Variants in PCCB observed in about 807,000 individuals in gnomAD.
PCCB encodes the protein propionyl-CoA carboxylase subunit beta, also known as propionyl-CoA carboxylase beta chain, mitochondrial.
Under a neutral mutation model 60.7 loss-of-function variants are expected in PCCB, and 43 were observed. That is an observed-to-expected ratio of 0.71 (90% CI 0.55 to 0.91). The LOEUF is 0.91. Ranked by LOEUF, PCCB falls within the 40% of genes least tolerant of loss-of-function variation. PCCB has a pLI of 0.00. For synonymous variants in PCCB, 276 were observed against 255.9 expected, an observed-to-expected ratio of 1.08 and a Z score of -0.75; for missense variants, 766 against 702.8, an observed-to-expected ratio of 1.09 and a Z score of -1.02.
intron 9 of PCCB, among the ~76,000 whole-genome samples, chr3:136,312,645 A>G (rs1934714025): frequency 6.6e-6 from 1 of 152,232 alleles, no homozygotes; most frequent in Admixed American, 6.5e-5. Context: ...CTGTGAATCC[A>G]TACAAGCACT....
At chr3:136,288,936 G>A (rs1933548362) in intron 6 of PCCB, among the ~76,000 whole-genome samples, 1 of 152,178 alleles carries the variant, frequency 6.6e-6, no homozygotes, top group Admixed American at 6.5e-5. Context: ...CTGAGTAGCT[G>A]GGACTATAGG....
intron 5 of PCCB, among the ~76,000 whole-genome samples, chr3:136,268,096 A>ATATATATATATATGTGTG (rs1553775750): frequency 3.8e-5 from 4 of 106,554 alleles, no homozygotes; most frequent in Non-Finnish European, 7.1e-5. Flanking sequence ...AGATATATAT[A>ATATATATATATATGTGTG]TATATATATA....
chr3:136,310,069 A>C (rs1934601827), intron 9 of PCCB, among the ~76,000 whole-genome samples: 1 of 152,070 alleles, frequency 6.6e-6, no homozygotes, highest in Non-Finnish European at 1.5e-5. Context: ...CTGTCTCTAC[A>C]AAAAATAAAT....
At chr3:136,315,707 A>G (rs1039717569) in intron 9 of PCCB, among the ~76,000 whole-genome samples, 3 of 151,658 alleles carry the variant, frequency 2.0e-5, no homozygotes, top group Admixed American at 1.3e-4. Context: ...ATATACCTGT[A>G]GTCCTAGCTA....
rs147690346 is a variant in PCCB at position 136,299,862 on chromosome 3, A to G, written c.885-1168A>G. ...TGTGTATGTATATGCATGCATATGT[A>G]TGTATATGCATGCATGTGTATGTAC... On this transcript the variant is annotated intron_variant, in intron 8 of 14. Transcript: ENST00000251654. 2.7e-3 allele frequency among the ~76,000 whole-genome samples: 409 copies of G among 151,516 alleles called. 3 individuals are homozygous for G. The highest frequency in any genetic ancestry group is 2.7e-3 in the Non-Finnish European group (181 of 67,870).
chr3:136,250,643 C>T, intron 1 of PCCB, 85 bp downstream of exon 1: 1 of 1,351,306 alleles, frequency 7.4e-7, no homozygotes, highest in Admixed American at 2.3e-5. Flanking sequence ...TCCGAGGCCT[C>T]CCTGCCAATC....
intron 9 of PCCB, among the ~76,000 whole-genome samples, chr3:136,309,262 C>CAA (rs1202774808): frequency 6.4e-4 from 30 of 46,962 alleles, no homozygotes; most frequent in African/African-American, 1.8e-3. Flanking sequence ...GACTCCATCT[C>CAA]AAAAAAAAAA....
intron 5 of PCCB, among the ~76,000 whole-genome samples, chr3:136,277,112 G>T (rs1431546926): frequency 6.6e-6 from 1 of 152,206 alleles, no homozygotes; most frequent in Non-Finnish European, 1.5e-5. Flanking sequence ...GCTGATGGGA[G>T]TGTCAGGTGA....
At chr3:136,306,787 T>C (rs569010073) in intron 9 of PCCB, among the ~76,000 whole-genome samples, 5 of 121,694 alleles carry the variant, frequency 4.1e-5, no homozygotes, top group African/African-American at 1.2e-4. Context: ...ATAATTGGAG[T>C]GTCTGAAGAA....
chr3:136,327,202 C>A lies in PCCB; in HGVS notation c.1246C>A (p.Leu416Ile). ...CATCATCCGGCATGGTGCCAAGCTT[C>A]TCTACGCATTTGCTGAGGCAACTGT... The part of the protein sequence containing the change: ...GGIIRHGAKL[L>I]YAFAEATVPK... Residue 416 changes from leucine (L) to isoleucine (I), a missense_variant, in exon 12 of 15, where the codon CTC becomes ATC. Leu to Ile is a conservative substitution (Grantham distance 5). Transcript: ENST00000251654. 1 of 1,614,186 alleles carries A rather than the reference C, an allele frequency of 6.2e-7. No individual in the cohort carries two copies.
intron 9 of PCCB, among the ~76,000 whole-genome samples, chr3:136,315,536 A>G (rs1489677865): frequency 1.3e-5 from 2 of 152,046 alleles, no homozygotes; most frequent in Non-Finnish European, 2.9e-5. Context: ...CAAACAAACA[A>G]AAGAAAATTG....
chr3:136,313,234 A>ACC (rs1934739219), intron 9 of PCCB, among the ~76,000 whole-genome samples: 1 of 152,220 alleles, frequency 6.6e-6, no homozygotes, highest in African/African-American at 2.4e-5. Context: ...TACACTTCCC[A>ACC]CCATACAAAA....
rs12492830 is a variant in PCCB at position 136,323,899 on chromosome 3, T to C, written c.1091-2904T>C. 9.6e-3 allele frequency among the ~76,000 whole-genome samples: 1,466 copies of C among 152,126 alleles called. 86 individuals are homozygous for C. The highest frequency in any genetic ancestry group is 0.078 in the Admixed American group (1,193 of 15,260). On this transcript the variant is annotated intron_variant, in intron 10 of 14. Coordinates refer to ENST00000251654, the MANE Select transcript of PCCB (RefSeq NM_000532.5). ...TTACTTAGGGATAGTTTCTTCATTT[T>C]ATACCTTGTGATTTTTTTAATTGAA...
chr3:136,260,636 T>G, intron 4 of PCCB, 101 bp downstream of exon 4: 2 of 1,012,536 alleles, frequency 2.0e-6, no homozygotes, highest in Non-Finnish European at 3.1e-6. Context: ...GTACTTGGGG[T>G]AGGGCAGAGG....
chr3:136,310,140 G>T (rs1439402742), intron 9 of PCCB, among the ~76,000 whole-genome samples: 1 of 151,988 alleles, frequency 6.6e-6, no homozygotes, highest in African/African-American at 2.4e-5. Context: ...GAGGTGGGCG[G>T]ATCACCTGAG....
intron 5 of PCCB, among the ~76,000 whole-genome samples, chr3:136,266,438 T>C (rs904114410): frequency 7.2e-5 from 11 of 152,172 alleles, no homozygotes; most frequent in African/African-American, 2.7e-4. Context: ...CAGTCTTTTT[T>C]TGAGACAGGG....
intron 10 of PCCB, among the ~76,000 whole-genome samples, chr3:136,322,631 C>T (rs1935147894): frequency 6.6e-6 from 1 of 152,148 alleles, no homozygotes; most frequent in South Asian, 2.1e-4. Context: ...AAGTTAGAAA[C>T]CAAAATACTC....
rs376236317 is a variant in PCCB at position 136,300,469 on chromosome 3, C to A, written c.885-561C>A. Among the ~76,000 whole-genome samples, 67 of 152,314 alleles carry A rather than the reference C, an allele frequency of 4.4e-4. 2 individuals carry two copies. The South Asian group carries it at 0.012, about 27-fold the overall frequency. On this transcript the variant is annotated intron_variant, in intron 8 of 14. Transcript: ENST00000251654. ...CTGGCTTAGTTTTTCTGCTGAGACA[C>A]TTGGATGCAGGAGGAAGGAGAGAGT...
At chr3:136,262,861 C>T (rs949024814) in intron 5 of PCCB, among the ~76,000 whole-genome samples, 2 of 152,062 alleles carry the variant, frequency 1.3e-5, no homozygotes, top group African/African-American at 2.4e-5. Context: ...AAGAGCGGCC[C>T]TCAGAGACGT....
Sources: allele counts gnomAD v4.1 joint callset (sites outside exome capture counted in the v4.1 genomes callset), GRCh38; gene constraint gnomAD v4.1.1; transcripts MANE v1.5; gene names NCBI Gene and HGNC (gene_info 2026-07-23, HGNC 2026-07-21).